The following NR1D1 variants were observed in gnomAD, a reference collection of about 807,000 sequenced individuals.
The protein encoded by NR1D1 is Rev-ErbAalpha.
Under a neutral mutation model 51.1 loss-of-function variants are expected in NR1D1, and 17 were observed. The observed-to-expected ratio is 0.33, with a 90% CI of 0.23 to 0.50. NR1D1 has a LOEUF of 0.50. Among genes scored for constraint, NR1D1 ranks in the 20% least tolerant of loss-of-function variants. NR1D1 has a pLI of 0.98. For missense variants in NR1D1, 647 were observed against 830.4 expected, an observed-to-expected ratio of 0.78 and a Z score of 2.71; for synonymous variants, 341 against 333.4, an observed-to-expected ratio of 1.02 and a Z score of -0.25.
At chr17:40,099,208 G>A (rs1207771437) in intron 1 of NR1D1, among the ~76,000 whole-genome samples, 1 of 152,164 alleles carries the variant, frequency 6.6e-6, no homozygotes, top group Non-Finnish European at 1.5e-5. Flanking sequence ...CGCCCTCCTC[G>A]CTTCCCGTCA....
At position 40,093,034 on chromosome 17, in the gene NR1D1, G is replaced by A; in HGVS notation, c.*49C>T. 1 of 1,613,360 alleles carries A rather than the reference G, an allele frequency of 6.2e-7. No homozygotes were observed. The highest frequency in any genetic ancestry group is 1.3e-5 in the African/African-American group (1 of 75,028). The stretch of plus-strand genomic sequence containing the variant: ...GTCTCGTAAAGGAGAGAGAAGTGCA[G>A]AGTTCGATTCTGTACAAGGGGGCAG... On this transcript the variant is annotated 3_prime_UTR_variant, in exon 8 of 8. Coordinates refer to ENST00000246672, the MANE Select transcript of NR1D1 (RefSeq NM_021724.5). This position sits in a 1 kb window ranked among gnomAD's most constrained non-coding sequence, Gnocchi z 5.9.
At position 40,097,327 on chromosome 17, in the gene NR1D1, G is replaced by A. The variant is rs1598403458; in HGVS notation, c.108C>T (p.Asn36=). 6.2e-7 allele frequency: 1 copy of A among 1,614,116 alleles called. No individual in the cohort carries two copies. Among genetic ancestry groups the A allele is most frequent in the African/African-American group, 1.3e-5 (1 of 75,018 alleles). ...TCAGGGACTGGAAGCTGCCATTGGAGTTGTCACTATAGAGGGATTCAGGGC... is the reference window on the plus strand; with the variant it reads ...TCAGGGACTGGAAGCTGCCATTGGAATTGTCACTATAGAGGGATTCAGGGC... ...RTSPESLYSD[N]SNGSFQSLTQ... is the part of the protein sequence containing the mutation. The change falls in exon 2 of 8, where the codon AAC becomes AAT. Residue 36 remains asparagine (N), a synonymous_variant. Coordinates refer to ENST00000246672, the MANE Select transcript of NR1D1 (RefSeq NM_021724.5).
At position 40,094,004 on chromosome 17, in the gene NR1D1, C is replaced by A; in HGVS notation, c.1553G>T (p.Ser518Ile). The change falls in exon 7 of 8, where the codon AGT becomes ATT. Residue 518 changes from serine (S) to isoleucine (I), a missense_variant. Transcript: ENST00000246672. ...CTTCTCGCTGAAGTCGAACATGGCA[C>A]TGAGCAGGTCTCCCATGCCCATGGC... Reference protein sequence around the residue: ...LGAMGMGDLLSAMFDFSEKLN... With the variant: ...LGAMGMGDLLIAMFDFSEKLN... 1 of 1,614,102 alleles carries A rather than the reference C, an allele frequency of 6.2e-7. No individual in the cohort carries two copies. The highest frequency in any genetic ancestry group is 8.5e-7 in the Non-Finnish European group (1 of 1,180,048).
At chr17:40,098,100 C>T (rs759970301) in intron 1 of NR1D1, among the ~76,000 whole-genome samples, 47 of 152,204 alleles carry the variant, frequency 3.1e-4, no homozygotes, top group Non-Finnish European at 6.3e-4. Context: ...AAAATTCCCC[C>T]TTCAGATCTC....
At chr17:40,095,197 C>T in intron 5 of NR1D1, 77 bp from the exon 6 acceptor site, 1 of 1,417,578 alleles carries the variant, frequency 7.1e-7, no homozygotes, top group Admixed American at 2.0e-5. Flanking sequence ...GAGCTGGACC[C>T]CAGATTCTGC....
chr17:40,093,023 A>G lies in NR1D1; in HGVS notation c.*60T>C. The G allele has an allele frequency of 6.2e-7, 1 of 1,610,232 alleles. No homozygotes were observed. The highest frequency in any genetic ancestry group is 8.5e-7 in the Non-Finnish European group (1 of 1,176,776). ...TTTTCCTTTTCGTCTCGTAAAGGAG[A>G]GAGAAGTGCAGAGTTCGATTCTGTA... On this transcript the variant is annotated 3_prime_UTR_variant, in exon 8 of 8. Coordinates refer to ENST00000246672, the MANE Select transcript of NR1D1 (RefSeq NM_021724.5). This position sits in a 1 kb window ranked among gnomAD's most constrained non-coding sequence, Gnocchi z 5.9.
chr17:40,094,227 C>T (rs1987699342), intron 6 of NR1D1, 105 bp from the exon 7 acceptor site: 1 of 993,176 alleles, frequency 1.0e-6, no homozygotes, highest in Admixed American at 1.9e-5. Context: ...TTCGATTTCT[C>T]AGTAGAGTGG....
At chr17:40,097,572 A>G (rs181023766) in intron 1 of NR1D1, among the ~76,000 whole-genome samples, 169 bp from the exon 2 acceptor site, 1 of 152,306 alleles carries the variant, frequency 6.6e-6, no homozygotes, top group East Asian at 1.9e-4. Context: ...CACAGTAGAC[A>G]TGGCATGGCC....
At position 40,097,306 on chromosome 17, in the gene NR1D1, G is replaced by T. The variant is rs199785241; in HGVS notation, c.129C>A (p.Ser43=). 30 of 1,614,126 alleles carry T rather than the reference G, an allele frequency of 1.9e-5. No homozygotes were observed. The highest frequency in any genetic ancestry group is 2.5e-5 in the Non-Finnish European group (29 of 1,180,028). ...YSDNSNGSFQ[S]LTQGCPTYFP... Reference sequence around the variant, plus strand: ...AGTAGGTGGGACAGCCTTGGGTCAGGGACTGGAAGCTGCCATTGGAGTTGT... The same window carrying T: ...AGTAGGTGGGACAGCCTTGGGTCAGTGACTGGAAGCTGCCATTGGAGTTGT... The change falls in exon 2 of 8, where the codon TCC becomes TCA. Residue 43 remains serine (S), a synonymous_variant. Transcript: ENST00000246672.
rs200028279 is a variant in NR1D1, at chr17:40,093,959, G to C, written c.1598C>G (p.Thr533Ser). 6.8e-6 allele frequency: 11 copies of C among 1,613,836 alleles called. No individual in the cohort carries two copies. The highest frequency in any genetic ancestry group is 7.6e-6 in the Non-Finnish European group (9 of 1,180,036). ...FSEKLNSLAL[T>S]EEELGLFTAV... ...GGTGAAGAGGCCCAGCTCCTCCTCG[G>C]TAAGCGCCAGGGAGTTGAGCTTCTC... Residue 533 changes from threonine (T) to serine (S), a missense_variant, in exon 7 of 8, where the codon ACC becomes AGC. Physicochemically the swap from Thr to Ser is moderately conservative, Grantham distance 58. This residue lies in a region of NR1D1 where 155 missense variants were observed against 236.8 expected (regional missense o/e 0.65). Coordinates refer to ENST00000246672, the MANE Select transcript of NR1D1 (RefSeq NM_021724.5). This position sits in a 1 kb window ranked among gnomAD's most constrained non-coding sequence, Gnocchi z 5.9.
chr17:40,098,252 G>C (rs1987803156), intron 1 of NR1D1, among the ~76,000 whole-genome samples: 1 of 152,216 alleles, frequency 6.6e-6, no homozygotes, highest in African/African-American at 2.4e-5. Context: ...CAAGCACCTA[G>C]ATTGGTCTGC....
At chr17:40,099,237 G>A (rs535864559) in intron 1 of NR1D1, among the ~76,000 whole-genome samples, 1 of 152,174 alleles carries the variant, frequency 6.6e-6, no homozygotes, top group Non-Finnish European at 1.5e-5. Flanking sequence ...CAGTCGCCCC[G>A]CCTCCTACCC....
At chr17:40,097,781 C>T (rs564266412) in intron 1 of NR1D1, among the ~76,000 whole-genome samples, 2 of 152,224 alleles carry the variant, frequency 1.3e-5, no homozygotes, top group Non-Finnish European at 2.9e-5. Context: ...AGTGCCCAGT[C>T]CTCCAAAAAC....
rs1987777627 is a variant in NR1D1 at position 40,097,055 on chromosome 17, A to G, written c.370+10T>C. The G allele has an allele frequency of 6.3e-7, 1 of 1,579,328 alleles. No homozygotes were observed. Among genetic ancestry groups the G allele is most frequent in the South Asian group, 1.2e-5 (1 of 85,842 alleles). Reference sequence around the variant, plus strand: ...TTCCCTTCCCCCGAATCAGCTGGAAAGGTACTCACTGGTGATGTTGCTGGT... The same window carrying G: ...TTCCCTTCCCCCGAATCAGCTGGAAGGGTACTCACTGGTGATGTTGCTGGT... On this transcript the variant is annotated intron_variant, in intron 2 of 7. Transcript: ENST00000246672.
At position 40,095,068 on chromosome 17, in the gene NR1D1, T is replaced by G; in HGVS notation, c.1301A>C (p.Glu434Ala). 6.2e-7 allele frequency: 1 copy of G among 1,613,992 alleles called. No homozygotes were observed. Among genetic ancestry groups the G allele is most frequent in the Non-Finnish European group, 8.5e-7 (1 of 1,179,998 alleles). ...PHGRSGRTVQ[E>A]IWEDFSMSFT... is the part of the protein sequence containing the mutation. ...GCTCATGGAGAAATCCTCCCAGATC[T>G]CCTGCACCGTTCGCCCACTGCGTCC... Residue 434 changes from glutamate to alanine, a missense_variant, in exon 6 of 8, where the codon GAG (glutamate) becomes GCG (alanine). Around this residue, in one of 7 missense-constraint regions of NR1D1, gnomAD observed 185 missense variants for 176.3 expected, o/e 1.05. Coordinates refer to ENST00000246672, the MANE Select transcript of NR1D1 (RefSeq NM_021724.5).
At chr17:40,098,951 T>G (rs1254457386) in intron 1 of NR1D1, among the ~76,000 whole-genome samples, 1 of 151,314 alleles carries the variant, frequency 6.6e-6, no homozygotes, top group Non-Finnish European at 1.5e-5. Flanking sequence ...CTTTAGGGAG[T>G]GTAAAACAGA....
intron 1 of NR1D1, among the ~76,000 whole-genome samples, chr17:40,099,482 C>G (rs1430719189): frequency 1.3e-5 from 2 of 152,024 alleles, no homozygotes; most frequent in African/African-American, 2.4e-5. Context: ...TCCCGGCGGC[C>G]GGAGCCCTGT....
At chr17:40,094,208 G>C in intron 6 of NR1D1, 86 bp from the exon 7 acceptor site, 1 of 1,229,126 alleles carries the variant, frequency 8.1e-7, no homozygotes, top group Admixed American at 1.7e-5. Context: ...AGGGTTTAGC[G>C]GTGCTGCCTT....
chr17:40,094,743 T>TA lies in NR1D1; in HGVS notation c.1434+191dup, dbSNP rs369427849. ...CGAAACCCTGTCTCTAATAAAAATATAAAAATTAGCCAAGCGTGGTGGCGG... is the reference window on the plus strand; with the variant it reads ...CGAAACCCTGTCTCTAATAAAAATATAAAAAATTAGCCAAGCGTGGTGGCGG... On this transcript the variant is annotated intron_variant, in intron 6 of 7. Transcript: ENST00000246672. Among the ~76,000 whole-genome samples, 502 of 152,204 alleles carry TA rather than the reference T, an allele frequency of 3.3e-3. 3 individuals are homozygous for TA. The highest frequency in any genetic ancestry group is 0.01 in the African/African-American group (421 of 41,528).
Sources: allele counts gnomAD v4.1 joint callset (sites outside exome capture counted in the v4.1 genomes callset), GRCh38; gene constraint gnomAD v4.1.1; regional missense constraint gnomAD v4.1.1; non-coding constraint Gnocchi (gnomAD v3.1); transcripts MANE v1.5; gene names NCBI Gene and HGNC (gene_info 2026-07-23, HGNC 2026-07-21).